The following MGAT4C variants were observed in gnomAD, a reference collection of about 807,000 sequenced individuals.
MGAT4C encodes alpha-1,3-mannosyl-glycoprotein 4-beta-N-acetylglucosaminyltransferase C.
In MGAT4C, 19 loss-of-function variants were observed where a neutral mutation model predicts 40.1. The observed-to-expected ratio is 0.47, with a 90% CI of 0.33 to 0.70. The LOEUF (loss-of-function observed/expected upper bound fraction) is 0.70, where lower values mean the gene tolerates loss of function less well. MGAT4C is among the 30% of genes least tolerant of loss of function. The pLI, the probability that MGAT4C is intolerant of heterozygous loss-of-function variation, is 0.02. For synonymous variants in MGAT4C, 181 were observed against 187.1 expected (o/e 0.97, Z 0.27); for missense variants, 491 against 563.2 (o/e 0.87, Z 1.30).
At chr12:86,318,560 A>G (rs73385241) in intron 4 of MGAT4C, among the ~76,000 whole-genome samples, 18,368 of 152,128 alleles carry the variant, frequency 0.12, 2,810 homozygotes, top group African/African-American at 0.34. Context: ...TTAAAATATT[A>G]TGTCTTTTTT....
intron 1 of MGAT4C, among the ~76,000 whole-genome samples, chr12:86,784,618 CA>C: frequency 6.7e-6 from 1 of 149,088 alleles, no homozygotes; most frequent in South Asian, 2.1e-4. Context: ...AGAACATAGG[CA>C]AAAACTTTCA....
chr12:86,252,850 C>T (rs2136079903), intron 1 of MGAT4C, among the ~76,000 whole-genome samples: 1 of 151,992 alleles, frequency 6.6e-6, no homozygotes, highest in South Asian at 2.1e-4. Context: ...CTTGCTTGAA[C>T]ATACATTATA....
chr12:86,430,462 A>T (rs1957012861), intron 3 of MGAT4C, among the ~76,000 whole-genome samples: 1 of 152,186 alleles, frequency 6.6e-6, no homozygotes. Flanking sequence ...AGCTGGGGAC[A>T]TCCTTGGGGA....
At chr12:86,706,372 T>C (rs1437373027) in intron 2 of MGAT4C, among the ~76,000 whole-genome samples, 6 of 152,174 alleles carry the variant, frequency 3.9e-5, no homozygotes. Context: ...GTTCAACAAA[T>C]AATAAGAAAA....
intron 3 of MGAT4C, among the ~76,000 whole-genome samples, chr12:86,433,031 C>T (rs1430759020): frequency 6.6e-6 from 1 of 151,756 alleles, no homozygotes; most frequent in African/African-American, 2.4e-5. Flanking sequence ...TCAGTTAGAA[C>T]CTGGACAAGA....
intron 2 of MGAT4C, among the ~76,000 whole-genome samples, chr12:86,015,138 T>A (rs536019012): frequency 6.6e-6 from 1 of 151,854 alleles, no homozygotes; most frequent in African/African-American, 2.4e-5. Context: ...TTTTCACTTC[T>A]GAGGTGAAAT....
At chr12:86,765,725 G>T (rs1249983329) in intron 1 of MGAT4C, among the ~76,000 whole-genome samples, 3 of 152,136 alleles carry the variant, frequency 2.0e-5, no homozygotes, top group Non-Finnish European at 2.9e-5. Context: ...CATTCTTAAA[G>T]AAAAGAATAT....
rs1035064117 is a variant in MGAT4C at position 85,961,531 on chromosome 12, C to T, written c.*17758G>A. ...ACTTCTAATCTTTTATCATCCTCTA[C>T]CACATAATTCCTCCTATATTCTCTT... On this transcript the variant is annotated 3_prime_UTR_variant, in exon 5 of 5. Coordinates refer to ENST00000611864, the MANE Select transcript of MGAT4C (RefSeq NM_001351288.2). 1.3e-5 allele frequency: 2 copies of T among 151,672 alleles called. No individual in the cohort carries two copies. The highest frequency in any genetic ancestry group is 3.0e-5 in the Non-Finnish European group (2 of 67,716). The allele number at this position is 151,672 out of a possible 1,614,324, so 9.4% of individuals were successfully genotyped here.
intron 3 of MGAT4C, among the ~76,000 whole-genome samples, chr12:86,363,856 A>G (rs1269217801): frequency 6.6e-6 from 1 of 152,024 alleles, no homozygotes; most frequent in Non-Finnish European, 1.5e-5. Context: ...ATATAAGAGG[A>G]TAAGAAGAAA....
chr12:86,572,841 C>G (rs920936769), intron 2 of MGAT4C, among the ~76,000 whole-genome samples: 1 of 152,012 alleles, frequency 6.6e-6, no homozygotes, highest in African/African-American at 2.4e-5. Flanking sequence ...CTCTCTCTCT[C>G]TGTCTCACTC....
At chr12:86,473,034 C>A (rs1014537838) in intron 2 of MGAT4C, among the ~76,000 whole-genome samples, 33 of 152,230 alleles carry the variant, frequency 2.2e-4, no homozygotes, top group African/African-American at 7.7e-4. Context: ...CAGCTCACTG[C>A]ATCCTCCGCC....
chr12:86,552,317 A>G (rs1168501400), intron 2 of MGAT4C, among the ~76,000 whole-genome samples: 1 of 152,088 alleles, frequency 6.6e-6, no homozygotes, highest in African/African-American at 2.4e-5. Context: ...GTGGAAGCAA[A>G]AAAGGTGATT....
intron 1 of MGAT4C, among the ~76,000 whole-genome samples, chr12:86,766,933 A>G (rs758806936): frequency 4.6e-5 from 7 of 152,228 alleles, no homozygotes; most frequent in Non-Finnish European, 7.3e-5. Flanking sequence ...TAGAAAATTG[A>G]CACCCTAACA....
intron 1 of MGAT4C, among the ~76,000 whole-genome samples, chr12:86,233,557 A>C (rs1180435679): frequency 6.6e-6 from 1 of 152,174 alleles, no homozygotes; most frequent in Non-Finnish European, 1.5e-5. Flanking sequence ...TTGTTGGTGA[A>C]TTCCAGGACA....
At chr12:86,469,353 A>G (rs1957726204) in intron 2 of MGAT4C, among the ~76,000 whole-genome samples, 1 of 152,206 alleles carries the variant, frequency 6.6e-6, no homozygotes, top group African/African-American at 2.4e-5. Flanking sequence ...TCTATGATTG[A>G]GTTATGAAAG....
chr12:86,420,215 A>C (rs769787697), intron 3 of MGAT4C, among the ~76,000 whole-genome samples: 2 of 151,654 alleles, frequency 1.3e-5, no homozygotes, highest in South Asian at 2.1e-4. Flanking sequence ...TTTTGTCTCT[A>C]AGAACGATTT....
intron 4 of MGAT4C, among the ~76,000 whole-genome samples, chr12:86,321,408 C>T: frequency 6.6e-6 from 1 of 152,080 alleles, no homozygotes; most frequent in East Asian, 1.9e-4. Flanking sequence ...ATATCAGAAA[C>T]TTCTTTTATT....
At chr12:85,993,967 G>A (rs1228356792) in intron 2 of MGAT4C, among the ~76,000 whole-genome samples, 2 of 152,106 alleles carry the variant, frequency 1.3e-5, no homozygotes, top group Non-Finnish European at 2.9e-5. Flanking sequence ...GTCCTCAAGG[G>A]TGCAGACCGC....
At chr12:86,654,935 T>C (rs1963805835) in intron 2 of MGAT4C, among the ~76,000 whole-genome samples, 1 of 152,062 alleles carries the variant, frequency 6.6e-6, no homozygotes, top group African/African-American at 2.4e-5. Flanking sequence ...AAATAAATTA[T>C]AGAACATGAG....
Sources: gnomAD v4.1 joint callset for allele counts (sites outside exome capture counted in the v4.1 genomes callset) on GRCh38, gnomAD v4.1.1 for gene constraint, MANE v1.5 for transcripts, NCBI Gene and HGNC (gene_info 2026-07-23, HGNC 2026-07-21) for gene names.